SPOCK1: variants seen among roughly 807,000 people sequenced by gnomAD.
SPOCK1 encodes the protein SPARC (osteonectin), cwcv and kazal like domains proteoglycan 1, also known as testican-1.
A neutral mutation model predicts 55.3 loss-of-function variants in SPOCK1; 23 were observed. That is an observed-to-expected ratio of 0.42 (90% confidence interval 0.30 to 0.59). The LOEUF is 0.59. SPOCK1 is among the 20% of genes least tolerant of loss of function. The pLI, the probability that SPOCK1 is intolerant of heterozygous loss-of-function variation, is 0.22. For missense variants in SPOCK1, 499 were observed against 552.5 expected (o/e 0.90, Z 0.97); for synonymous variants, 226 against 221.0 (o/e 1.02, Z -0.20).
chr5:137,113,326 T>C (rs1296220365), intron 4 of SPOCK1, among the ~76,000 whole-genome samples: 3 of 152,162 alleles, frequency 2.0e-5, no homozygotes, highest in Non-Finnish European at 4.4e-5. Context: ...CCTTCCTCTC[T>C]TAGCCAAAGC....
At chr5:136,990,423 A>AT (rs1750925036) in intron 7 of SPOCK1, among the ~76,000 whole-genome samples, 1 of 149,220 alleles carries the variant, frequency 6.7e-6, no homozygotes. Flanking sequence ...ATAGTGCTCA[A>AT]TTAAAAAAAA....
At chr5:137,353,250 G>A (rs546301874) in intron 2 of SPOCK1, among the ~76,000 whole-genome samples, 2 of 152,264 alleles carry the variant, frequency 1.3e-5, no homozygotes, top group South Asian at 2.1e-4. Flanking sequence ...GTGCGGTGAT[G>A]TACGCCTGTA....
chr5:137,472,808 A>G (rs1000164828), intron 2 of SPOCK1, among the ~76,000 whole-genome samples: 1 of 152,250 alleles, frequency 6.6e-6, no homozygotes, highest in Non-Finnish European at 1.5e-5. Flanking sequence ...AACCCAATAG[A>G]AAAATGGGCA....
chr5:137,095,332 C>G (rs1411208529), intron 5 of SPOCK1, among the ~76,000 whole-genome samples: 2 of 149,172 alleles, frequency 1.3e-5, no homozygotes, highest in Non-Finnish European at 2.9e-5. Context: ...TGCCACAAAC[C>G]TCCAATTTGT....
At chr5:137,385,182 G>A (rs934554526) in intron 2 of SPOCK1, among the ~76,000 whole-genome samples, 2 of 152,096 alleles carry the variant, frequency 1.3e-5, no homozygotes, top group East Asian at 3.9e-4. Flanking sequence ...AATTCAGACT[G>A]CCACTCTAGA....
chr5:137,093,507 T>C (rs1029310898), intron 5 of SPOCK1, among the ~76,000 whole-genome samples: 9 of 152,238 alleles, frequency 5.9e-5, no homozygotes, highest in Non-Finnish European at 1.0e-4. Flanking sequence ...TCTGCCTTTA[T>C]GGAGCATACA....
intron 2 of SPOCK1, among the ~76,000 whole-genome samples, chr5:137,272,395 C>T (rs147577818): frequency 7.9e-4 from 120 of 152,130 alleles, no homozygotes; most frequent in African/African-American, 2.6e-3. Context: ...GTGACATTTG[C>T]CTGTAATTTT....
intron 2 of SPOCK1, among the ~76,000 whole-genome samples, chr5:137,408,007 G>A (rs1752136506): frequency 2.6e-5 from 4 of 151,084 alleles, no homozygotes; most frequent in Non-Finnish European, 5.9e-5. Context: ...CCCTGCAACA[G>A]ACCAAGCTCT....
At chr5:137,177,860 C>T (rs1754887354) in intron 3 of SPOCK1, among the ~76,000 whole-genome samples, 1 of 151,934 alleles carries the variant, frequency 6.6e-6, no homozygotes, top group Admixed American at 6.6e-5. Flanking sequence ...AACCAAAAAG[C>T]TTTCCAAGTA....
rs184198457 is a variant in SPOCK1 at position 137,451,238 on chromosome 5, G to A, written c.186+47135C>T. ...CATTCTTATTATACTCCATGCTCCC[G>A]GCAGCCAGGAGCCATGCTTGATCAT... On this transcript the variant is annotated intron_variant, in intron 2 of 10. Coordinates refer to ENST00000394945, the MANE Select transcript of SPOCK1 (RefSeq NM_004598.4). Among the ~76,000 whole-genome samples, 125 of 152,070 alleles carry A rather than the reference G, an allele frequency of 8.2e-4. 2 individuals carry two copies. The Middle Eastern group carries it at 0.017, about 21-fold the overall frequency.
chr5:137,116,861 G>A (rs1354805115), intron 4 of SPOCK1, among the ~76,000 whole-genome samples: 5 of 151,966 alleles, frequency 3.3e-5, no homozygotes, highest in Non-Finnish European at 5.9e-5. Context: ...GTGCCATCAT[G>A]TGGGTTTTCC....
intron 3 of SPOCK1, among the ~76,000 whole-genome samples, chr5:137,182,810 C>T (rs1248297928): frequency 6.6e-6 from 1 of 152,176 alleles, no homozygotes; most frequent in African/African-American, 2.4e-5. Flanking sequence ...TCAGGCTAAG[C>T]TCCTAAGCTG....
intron 2 of SPOCK1, among the ~76,000 whole-genome samples, chr5:137,489,082 C>T (rs1754121462): frequency 6.6e-6 from 1 of 152,202 alleles, no homozygotes. Flanking sequence ...TCTGTGAATG[C>T]ATCTTTCATC....
intron 3 of SPOCK1, among the ~76,000 whole-genome samples, chr5:137,175,723 A>G (rs894185403): frequency 6.6e-6 from 1 of 152,190 alleles, no homozygotes. Flanking sequence ...AAAGCAACCA[A>G]TCCATGTAAA....
intron 4 of SPOCK1, among the ~76,000 whole-genome samples, chr5:137,138,727 A>AT (rs1754039433): frequency 1.4e-5 from 2 of 139,510 alleles, no homozygotes; most frequent in Admixed American, 7.2e-5. Context: ...AAAAAGTGGT[A>AT]TTTTTTTACA....
rs1264866272 is a variant in SPOCK1 at position 137,460,385 on chromosome 5, C to T, written c.186+37988G>A. On this transcript the variant is annotated intron_variant, in intron 2 of 10. Coordinates refer to ENST00000394945, the MANE Select transcript of SPOCK1 (RefSeq NM_004598.4). The stretch of plus-strand genomic sequence containing the variant: ...TATGACGCCTCCAGGGAGACTCTTC[C>T]AGGTCAAGGTACGGGATAAGGACCA... Among the ~76,000 whole-genome samples, 4 of 152,250 alleles carry T rather than the reference C, an allele frequency of 2.6e-5. No homozygotes were observed. In the East Asian group the frequency reaches 7.7e-4, roughly 29 times the overall value.
At chr5:137,279,804 C>T (rs1427727552) in intron 2 of SPOCK1, among the ~76,000 whole-genome samples, 1 of 152,198 alleles carries the variant, frequency 6.6e-6, no homozygotes, top group Non-Finnish European at 1.5e-5. Context: ...AAGCTCACAC[C>T]CTGGCCCTTC....
chr5:137,168,147 A>G (rs1754685045), intron 3 of SPOCK1, among the ~76,000 whole-genome samples: 1 of 152,090 alleles, frequency 6.6e-6, no homozygotes. Flanking sequence ...CATGGCACTG[A>G]GAAAACTGGA....
At chr5:137,251,476 T>C (rs991866277) in intron 3 of SPOCK1, among the ~76,000 whole-genome samples, 1 of 152,218 alleles carries the variant, frequency 6.6e-6, no homozygotes, top group Non-Finnish European at 1.5e-5. Context: ...CTAGCCTTGG[T>C]TCCCCCTGTG....
Sources: allele counts gnomAD v4.1 joint callset (sites outside exome capture counted in the v4.1 genomes callset), GRCh38; gene constraint gnomAD v4.1.1; transcripts MANE v1.5; gene names NCBI Gene and HGNC (gene_info 2026-07-23, HGNC 2026-07-21).